Variants in ASIC2 observed in about 807,000 individuals in gnomAD.
ASIC2 encodes the protein acid sensing ion channel subunit 2.
Under a neutral mutation model 57.3 loss-of-function variants are expected in ASIC2, and 25 were observed. The ratio of observed to expected loss-of-function variants is 0.44; its 90% CI spans 0.32 to 0.61. The LOEUF (loss-of-function observed/expected upper bound fraction) is 0.61, where lower values mean the gene tolerates loss of function less well. Ranked by LOEUF, ASIC2 falls within the 20% of genes least tolerant of loss-of-function variation. ASIC2 has a pLI of 0.06. For synonymous variants in ASIC2, 319 were observed against 307.5 expected, an observed-to-expected ratio of 1.04 and a Z score of -0.39; for missense variants, 641 against 738.1, an observed-to-expected ratio of 0.87 and a Z score of 1.52.
intron 1 of ASIC2, among the ~76,000 whole-genome samples, chr17:33,126,361 T>C (rs1467655385): frequency 6.6e-6 from 1 of 152,216 alleles, no homozygotes; most frequent in Non-Finnish European, 1.5e-5. Flanking sequence ...CAGGGTTACA[T>C]GGAAACGAAG....
At chr17:33,307,276 CCTTCTTCTTCTTCTT>C (rs112981249) in intron 1 of ASIC2, among the ~76,000 whole-genome samples, 1 of 147,690 alleles carries the variant, frequency 6.8e-6, no homozygotes, top group African/African-American at 2.5e-5. Context: ...TCCTCCTCTT[CCTTCTTCTTCTTCTT>C]CTTCTTCTTC....
intron 1 of ASIC2, among the ~76,000 whole-genome samples, chr17:33,327,464 A>C (rs146566358): frequency 5.1e-4 from 78 of 152,336 alleles, no homozygotes; most frequent in African/African-American, 1.8e-3. Context: ...AAATCCAAGA[A>C]ATGCATTTAT....
chr17:33,509,944 TG>T, intron 1 of ASIC2, among the ~76,000 whole-genome samples: 1 of 152,320 alleles, frequency 6.6e-6, no homozygotes, highest in East Asian at 1.9e-4. Context: ...AAGAAGAGTT[TG>T]GGAAAATTCA....
At chr17:33,775,818 T>C (rs531013560) in intron 1 of ASIC2, among the ~76,000 whole-genome samples, 1 of 152,264 alleles carries the variant, frequency 6.6e-6, no homozygotes, top group East Asian at 1.9e-4. Flanking sequence ...CTTCAGTGAT[T>C]CCTATAGGGT....
chr17:33,909,952 C>G lies in ASIC2; in HGVS notation c.555+246026G>C, dbSNP rs144625801. Among the ~76,000 whole-genome samples, 210 of 152,118 alleles carry G rather than the reference C, an allele frequency of 1.4e-3. 1 individual carries two copies. The highest frequency in any genetic ancestry group is 4.8e-3 in the African/African-American group (201 of 41,498). ...TTCCTCTGTTTGCTAATGGTGTGAC[C>G]CTGAGCAAGTTATTCAATTTCTGCA... On this transcript the variant is annotated intron_variant, in intron 1 of 9. Coordinates refer to the ASIC2 transcript ENST00000359872.
intron 1 of ASIC2, among the ~76,000 whole-genome samples, chr17:33,984,843 G>T (rs535565543): frequency 3.9e-5 from 6 of 152,330 alleles, no homozygotes; most frequent in African/African-American, 1.4e-4. Context: ...GAGCACAAGA[G>T]TGGAGGAAAC....
At chr17:33,811,849 G>A (rs956604244) in intron 1 of ASIC2, among the ~76,000 whole-genome samples, 8 of 152,096 alleles carry the variant, frequency 5.3e-5, no homozygotes, top group East Asian at 1.9e-4. Context: ...CATTCCTATC[G>A]GTCATGTTTG....
rs141556990 is a variant in ASIC2 at position 33,033,833 on chromosome 17, G to A, written c.988-5441C>T. ...ACCCATGGGTGCCCATGCATGAATCGGCACACACTTCCTCCCCTCTGAGGT... is the reference window on the plus strand; with the variant it reads ...ACCCATGGGTGCCCATGCATGAATCAGCACACACTTCCTCCCCTCTGAGGT... On this transcript the variant is annotated intron_variant, in intron 3 of 9. Transcript: ENST00000225823. 2.7e-3 allele frequency among the ~76,000 whole-genome samples: 413 copies of A among 152,272 alleles called. 2 individuals carry two copies. The highest frequency in any genetic ancestry group is 9.0e-3 in the African/African-American group (372 of 41,548).
chr17:33,623,044 T>C (rs1221922549), intron 1 of ASIC2, among the ~76,000 whole-genome samples: 2 of 152,192 alleles, frequency 1.3e-5, no homozygotes, highest in Non-Finnish European at 1.5e-5. Flanking sequence ...TGCTTGCTTT[T>C]ATTATTCATT....
At chr17:33,500,633 GC>G (rs1181159628) in intron 1 of ASIC2, among the ~76,000 whole-genome samples, 1 of 152,208 alleles carries the variant, frequency 6.6e-6, no homozygotes, top group Non-Finnish European at 1.5e-5. Context: ...ACTTCTCAGA[GC>G]CTTTAACATA....
At chr17:33,032,800 A>C (rs1424092342) in intron 3 of ASIC2, among the ~76,000 whole-genome samples, 1 of 152,230 alleles carries the variant, frequency 6.6e-6, no homozygotes, top group Non-Finnish European at 1.5e-5. Context: ...TTAAGGAAGA[A>C]AGAAAGTTAC....
At chr17:33,867,297 C>T (rs365311) in intron 1 of ASIC2, among the ~76,000 whole-genome samples, 103,985 of 152,102 alleles carry the variant, frequency 0.68, 36,604 homozygotes, top group Admixed American at 0.8. Flanking sequence ...ATCAACAACT[C>T]CTCTTTCCTG....
intron 1 of ASIC2, among the ~76,000 whole-genome samples, chr17:33,304,719 C>T (rs1906098720): frequency 6.6e-6 from 1 of 152,164 alleles, no homozygotes; most frequent in South Asian, 2.1e-4. Flanking sequence ...CAATGAGTCA[C>T]ATGGTAGATA....
At chr17:33,395,242 G>C (rs79306765) in intron 1 of ASIC2, among the ~76,000 whole-genome samples, 15,609 of 149,952 alleles carry the variant, frequency 0.1, 900 homozygotes, top group Middle Eastern at 0.13. Flanking sequence ...CTTTCCATCT[G>C]TATTAGTCCA....
chr17:33,999,645 C>T (rs1288106840), intron 1 of ASIC2, among the ~76,000 whole-genome samples: 1 of 152,158 alleles, frequency 6.6e-6, no homozygotes, highest in Non-Finnish European at 1.5e-5. Context: ...AAATTCTTCA[C>T]TTTGGCTTTC....
chr17:34,023,055 G>C lies in ASIC2; in HGVS notation c.555+132923C>G, dbSNP rs141566485. The stretch of plus-strand genomic sequence containing the variant: ...CTTCTGCCATGCTTGTAAGTTCCCT[G>C]AGGACTCATCCACCATGCTTCCTGT... On this transcript the variant is annotated intron_variant, in intron 1 of 9. Transcript: ENST00000359872. Among the ~76,000 whole-genome samples the C allele has an allele frequency of 6.5e-3, 983 of 152,158 alleles. 5 individuals are homozygous for C. The highest frequency in any genetic ancestry group is 0.022 in the African/African-American group (927 of 41,492).
At chr17:33,586,022 T>C (rs966510611) in intron 1 of ASIC2, among the ~76,000 whole-genome samples, 1 of 152,074 alleles carries the variant, frequency 6.6e-6, no homozygotes, top group Admixed American at 6.6e-5. Context: ...ATACCTTGTC[T>C]CAGTTGGTGT....
intron 1 of ASIC2, among the ~76,000 whole-genome samples, chr17:33,383,385 T>A (rs1398525836): frequency 6.6e-6 from 1 of 152,206 alleles, no homozygotes; most frequent in African/African-American, 2.4e-5. Flanking sequence ...ACTTCTTTTT[T>A]AATTTGAAAG....
chr17:33,943,329 C>G (rs1425976451), intron 1 of ASIC2, among the ~76,000 whole-genome samples: 1 of 152,232 alleles, frequency 6.6e-6, no homozygotes, highest in Non-Finnish European at 1.5e-5. Context: ...GTCCGCACTT[C>G]ATCTTTGAAA....
Sources: allele counts gnomAD v4.1 joint callset (sites outside exome capture counted in the v4.1 genomes callset), GRCh38; gene constraint gnomAD v4.1.1; transcripts MANE v1.5; gene names NCBI Gene and HGNC (gene_info 2026-07-23, HGNC 2026-07-21).